KCNMA1: variants seen among roughly 807,000 people sequenced by gnomAD.
KCNMA1 encodes Calcium-activated potassium channel subunit alpha-1.
Under a neutral mutation model 140.0 loss-of-function variants are expected in KCNMA1, and 29 were observed. That is an observed-to-expected ratio of 0.21 (90% CI 0.15 to 0.28). The LOEUF is 0.28. KCNMA1 is among the 10% of genes least tolerant of loss of function. KCNMA1 has a pLI of 1.00. For missense variants in KCNMA1, 880 were observed against 1,602.2 expected, an observed-to-expected ratio of 0.55 and a Z score of 7.70; for synonymous variants, 612 against 611.9, an observed-to-expected ratio of 1.00 and a Z score of 0.00.
intron 20 of KCNMA1, among the ~76,000 whole-genome samples, chr10:76,955,755 T>C (rs2068017090): frequency 6.6e-6 from 1 of 152,206 alleles, no homozygotes; most frequent in Admixed American, 6.5e-5. Flanking sequence ...GAAGAGTCTT[T>C]AACAGTTGCA....
chr10:77,336,179 G>A (rs1185189049), intron 2 of KCNMA1, among the ~76,000 whole-genome samples: 2 of 152,146 alleles, frequency 1.3e-5, no homozygotes, highest in African/African-American at 2.4e-5. Flanking sequence ...ACACATGCAG[G>A]GGAGGGTGCT....
intron 5 of KCNMA1, among the ~76,000 whole-genome samples, chr10:77,143,939 A>G (rs757249732): frequency 1.3e-5 from 2 of 152,200 alleles, no homozygotes; most frequent in Non-Finnish European, 2.9e-5. Flanking sequence ...GTTGGTGAAG[A>G]AACAAAGCAG....
intron 3 of KCNMA1, among the ~76,000 whole-genome samples, chr10:77,217,264 C>T (rs977526063): frequency 1.3e-5 from 2 of 150,676 alleles, no homozygotes. Flanking sequence ...GAGATCATGC[C>T]ACTGCACTCC....
At chr10:77,062,748 T>A (rs1565858651) in intron 14 of KCNMA1, among the ~76,000 whole-genome samples, 2 of 152,242 alleles carry the variant, frequency 1.3e-5, no homozygotes, top group South Asian at 4.1e-4. Flanking sequence ...AAACCTAGGA[T>A]AAGCTCATTT....
chr10:77,230,156 T>G (rs1276609929), intron 3 of KCNMA1, among the ~76,000 whole-genome samples: 2 of 152,228 alleles, frequency 1.3e-5, no homozygotes, highest in Non-Finnish European at 2.9e-5. Flanking sequence ...GGATGAACCT[T>G]GAAAGCATTA....
At chr10:77,398,235 T>C (rs905063191) in intron 2 of KCNMA1, among the ~76,000 whole-genome samples, 5 of 152,186 alleles carry the variant, frequency 3.3e-5, no homozygotes, top group African/African-American at 1.2e-4. Context: ...TTAGTAGAAA[T>C]GCTGGATCAA....
intron 2 of KCNMA1, among the ~76,000 whole-genome samples, chr10:77,340,537 A>G (rs1279070624): frequency 6.6e-6 from 1 of 152,214 alleles, no homozygotes; most frequent in East Asian, 1.9e-4. Context: ...AGCCATAAAA[A>G]AAGGATGAGT....
chr10:77,568,190 T>C (rs2069138826), intron 1 of KCNMA1, among the ~76,000 whole-genome samples: 1 of 152,190 alleles, frequency 6.6e-6, no homozygotes, highest in Non-Finnish European at 1.5e-5. Context: ...TCTGAAACTA[T>C]TCCAATCAAT....
intron 14 of KCNMA1, among the ~76,000 whole-genome samples, chr10:77,070,990 C>A: frequency 6.6e-6 from 1 of 152,192 alleles, no homozygotes; most frequent in Non-Finnish European, 1.5e-5. Context: ...TACTTCCAAA[C>A]AGGCGGGAAT....
chr10:77,232,957 A>G (rs567034397), intron 3 of KCNMA1, among the ~76,000 whole-genome samples: 1 of 149,942 alleles, frequency 6.7e-6, no homozygotes, highest in African/African-American at 2.5e-5. Context: ...CACAATCACA[A>G]CTCACTGCAG....
chr10:77,201,730 A>G (rs1317896614), intron 3 of KCNMA1, among the ~76,000 whole-genome samples: 2 of 152,192 alleles, frequency 1.3e-5, no homozygotes, highest in African/African-American at 4.8e-5. Flanking sequence ...TTCTCACAAG[A>G]GAATTTCATT....
At chr10:77,511,661 T>C (rs2048459939) in intron 1 of KCNMA1, among the ~76,000 whole-genome samples, 1 of 152,282 alleles carries the variant, frequency 6.6e-6, no homozygotes, top group African/African-American at 2.4e-5. Flanking sequence ...TCAATAAAGA[T>C]TGGTTATTCT....
At chr10:76,929,632 C>T (rs1167802380) in intron 23 of KCNMA1, among the ~76,000 whole-genome samples, 2 of 152,110 alleles carry the variant, frequency 1.3e-5, no homozygotes, top group African/African-American at 4.8e-5. Context: ...AGATGGTTTC[C>T]TTGAGTAAGT....
At chr10:77,287,775 A>C (rs1292958205) in intron 2 of KCNMA1, among the ~76,000 whole-genome samples, 1 of 152,228 alleles carries the variant, frequency 6.6e-6, no homozygotes, top group Non-Finnish European at 1.5e-5. Context: ...CACCTCACAC[A>C]CATTAACTCA....
intron 16 of KCNMA1, 122 bp from the exon 17 acceptor site, chr10:77,019,221 C>A (rs2092545225): frequency 2.9e-6 from 2 of 688,662 alleles, no homozygotes; most frequent in African/African-American, 1.8e-5. Flanking sequence ...AAGCTTTCCC[C>A]AAAGATTTTG....
chr10:77,545,767 C>T (rs1218525345), intron 1 of KCNMA1, among the ~76,000 whole-genome samples: 3 of 152,202 alleles, frequency 2.0e-5, no homozygotes, highest in African/African-American at 7.2e-5. Flanking sequence ...GTGTTGGCAG[C>T]GAGGCTGTGG....
chr10:77,538,755 T>TA (rs890229635), intron 1 of KCNMA1, among the ~76,000 whole-genome samples: 57 of 151,972 alleles, frequency 3.8e-4, no homozygotes, highest in African/African-American at 1.0e-3. Context: ...GATATGGAGT[T>TA]AAAATCTGAC....
chr10:77,056,279 C>A (rs1453387962), intron 14 of KCNMA1, among the ~76,000 whole-genome samples: 1 of 152,016 alleles, frequency 6.6e-6, no homozygotes, highest in African/African-American at 2.4e-5. Context: ...ACTTGGGAGG[C>A]TGAGGCAGGA....
At chr10:77,005,727 A>C (rs563488581) in intron 18 of KCNMA1, among the ~76,000 whole-genome samples, 1 of 152,306 alleles carries the variant, frequency 6.6e-6, no homozygotes, top group South Asian at 2.1e-4. Context: ...AAAAGCTTTT[A>C]TGTGCTTTTC....
Sources: allele counts gnomAD v4.1 joint callset (sites outside exome capture counted in the v4.1 genomes callset), GRCh38; gene constraint gnomAD v4.1.1; transcripts MANE v1.5; gene names NCBI Gene and HGNC (gene_info 2026-07-23, HGNC 2026-07-21).